Variants in PTPRF observed in about 807,000 individuals in gnomAD.
PTPRF encodes the protein protein tyrosine phosphatase receptor type F.
A neutral mutation model predicts 201.8 loss-of-function variants in PTPRF; 59 were observed. The ratio of observed to expected loss-of-function variants is 0.29; its 90% CI spans 0.24 to 0.36. PTPRF has a LOEUF of 0.36. PTPRF is among the 10% of genes least tolerant of loss of function. The probability of loss-of-function intolerance (pLI) is 1.00; values close to 1 mark genes in which losing one functional copy is unlikely to be tolerated. For synonymous variants in PTPRF, 1,088 were observed against 1,089.7 expected, an observed-to-expected ratio of 1.00 and a Z score of 0.03; for missense variants, 2,132 against 2,690.5, an observed-to-expected ratio of 0.79 and a Z score of 4.59.
intron 11 of PTPRF, among the ~76,000 whole-genome samples, chr1:43,592,896 G>A (rs1028672734): frequency 6.6e-6 from 1 of 151,920 alleles, no homozygotes; most frequent in Non-Finnish European, 1.5e-5. Flanking sequence ...CCTCATCTCC[G>A]CCCCCACTCT....
At position 43,537,370 on chromosome 1, in the gene PTPRF, T is replaced by C. The variant is rs1269180322; in HGVS notation, c.-125-828T>C. On this transcript the variant is annotated intron_variant, in intron 1 of 33. Coordinates refer to ENST00000359947, the MANE Select transcript of PTPRF (RefSeq NM_002840.5). The surrounding 1 kb of genome is among the most constrained non-coding windows in gnomAD (Gnocchi z 4.8). ...AATAAATATTGCTTCTGAAGCTTCT[T>C]TGAAGACTGGCATGTATGTTGGGGT... Among the ~76,000 whole-genome samples, 4 of 152,240 alleles carry C rather than the reference T, an allele frequency of 2.6e-5. No individual in the cohort carries two copies. The East Asian group carries it at 7.7e-4, about 29-fold the overall frequency.
intron 21 of PTPRF, 76 bp from the exon 22 acceptor site, chr1:43,609,307 G>T: frequency 8.1e-7 from 1 of 1,233,828 alleles, no homozygotes; most frequent in South Asian, 1.3e-5. Flanking sequence ...GGGGCTCCTT[G>T]GCAGCCAGCC....
intron 1 of PTPRF, among the ~76,000 whole-genome samples, chr1:43,532,410 G>A (rs888060701): frequency 6.6e-5 from 10 of 152,370 alleles, no homozygotes; most frequent in Non-Finnish European, 7.3e-5. Flanking sequence ...GGGCAGGGCC[G>A]GGAGGCTGGA....
chr1:43,545,130 G>T lies in PTPRF; in HGVS notation c.55G>T (p.Val19Leu). The T allele has an allele frequency of 6.3e-7, 1 of 1,589,820 alleles. No individual in the cohort carries two copies. Among genetic ancestry groups the T allele is most frequent in the Non-Finnish European group, 8.6e-7 (1 of 1,167,670 alleles). Residue 19 changes from valine (V) to leucine (L), a missense_variant, in exon 3 of 34, where the codon GTG (valine) becomes TTG (leucine). Around this residue, in one of 6 missense-constraint regions of PTPRF, gnomAD observed 297 missense variants for 454.0 expected, o/e 0.65. Transcript: ENST00000359947. ...RTMVPLVPAL[V>L]MLGLVAGAHG... is the part of the protein sequence containing the mutation. ...GATGGTGCCCCTTGTGCCTGCACTG[G>T]TGATGCTTGGTTTGGTGGCAGGCGC...
intron 22 of PTPRF, among the ~76,000 whole-genome samples, chr1:43,610,798 G>A (rs549845): frequency 0.55 from 84,016 of 152,138 alleles, 26,128 homozygotes; most frequent in Non-Finnish European, 0.7. Flanking sequence ...CCAGGAGGTA[G>A]AGGTTGCGTG....
At chr1:43,577,770 A>G (rs1647024964) in intron 6 of PTPRF, among the ~76,000 whole-genome samples, 1 of 152,010 alleles carries the variant, frequency 6.6e-6, no homozygotes, top group South Asian at 2.1e-4. Context: ...GTTTTGTCAG[A>G]CTGTGTCCTG....
upstream of PTPRF, among the ~76,000 whole-genome samples, chr1:43,525,594 G>A (rs566198439): frequency 3.9e-5 from 6 of 152,092 alleles, no homozygotes; most frequent in East Asian, 1.2e-3. Flanking sequence ...CTTGAGGTCA[G>A]GAGTTCAAGA....
chr1:43,596,824 TG>T (rs1652380741), intron 11 of PTPRF, among the ~76,000 whole-genome samples: 2 of 152,206 alleles, frequency 1.3e-5, no homozygotes, highest in African/African-American at 4.8e-5. Context: ...ATGTTTTGTG[TG>T]AGACAGCATA....
At chr1:43,536,506 T>C (rs1644018122) in intron 1 of PTPRF, among the ~76,000 whole-genome samples, 1 of 152,186 alleles carries the variant, frequency 6.6e-6, no homozygotes, top group South Asian at 2.1e-4. Flanking sequence ...TGGCTGGGTG[T>C]GGCAGCAGCG....
chr1:43,548,039 A>T (rs139937926), intron 3 of PTPRF, among the ~76,000 whole-genome samples: 1 of 151,360 alleles, frequency 6.6e-6, no homozygotes, highest in South Asian at 2.1e-4. Context: ...GACACAGGCC[A>T]TGGCAGAAGC....
chr1:43,620,595 G>A lies in PTPRF; in HGVS notation c.5364+16G>A. On this transcript the variant is annotated intron_variant, in intron 31 of 33. Coordinates refer to ENST00000359947, the MANE Select transcript of PTPRF (RefSeq NM_002840.5). ...GGATGCCCGGGTGAGTGAGTGCATT[G>A]AGTGTGTCCATAACGCTGCCTGTCC... 2 of 1,612,282 alleles carry A rather than the reference G, an allele frequency of 1.2e-6. No individual in the cohort carries two copies. The highest frequency in any genetic ancestry group is 2.2e-5 in the South Asian group (2 of 90,754).
rs1653015129 is a variant in PTPRF, at chr1:43,598,776, C to T, written c.2176C>T (p.His726Tyr). The change falls in exon 13 of 34, where the codon CAT becomes TAT. Residue 726 changes from histidine to tyrosine, a missense_variant. This residue lies in a region of PTPRF where 125 missense variants were observed against 211.9 expected (regional missense o/e 0.59). Coordinates refer to ENST00000359947, the MANE Select transcript of PTPRF (RefSeq NM_002840.5). ...GGAGCCACTGAACTCCACTGCTGTG[C>T]ATGTCTACTGGAAGCTGCCTGTCCC... ...EVEPLNSTAV[H>Y]VYWKLPVPSK... The T allele has an allele frequency of 3.1e-6, 5 of 1,614,078 alleles. No individual in the cohort carries two copies. The African/African-American group carries it at 4.0e-5, about 13-fold the overall frequency.
rs79623042 is a variant in PTPRF, at chr1:43,555,165, C to T, written c.379+1224C>T. Among the ~76,000 whole-genome samples, 1,042 of 152,110 alleles carry T rather than the reference C, an allele frequency of 6.9e-3. 6 individuals are homozygous for T. The highest frequency in any genetic ancestry group is 0.011 in the Non-Finnish European group (738 of 67,974). ...CCGCACCCGGGCCGATTGTTGCTTT[C>T]TTTTTAAGAATGTGATGTCGATACC... On this transcript the variant is annotated intron_variant, in intron 5 of 33. Coordinates refer to ENST00000359947, the MANE Select transcript of PTPRF (RefSeq NM_002840.5).
At chr1:43,606,762 TG>T in intron 20 of PTPRF, 51 bp from the exon 21 acceptor site, 1 of 1,590,796 alleles carries the variant, frequency 6.3e-7, no homozygotes. Context: ...AGGCAGAGGG[TG>T]GGGGGTTCTC....
chr1:43,606,176 A>G, intron 19 of PTPRF, 64 bp from the exon 20 acceptor site: 1 of 1,529,826 alleles, frequency 6.5e-7, no homozygotes, highest in Non-Finnish European at 8.8e-7. Flanking sequence ...ATCCCAGGCC[A>G]CAGCCTCAGG....
chr1:43,618,203 A>G (rs639929), intron 25 of PTPRF, among the ~76,000 whole-genome samples: 118,811 of 152,068 alleles, frequency 0.78, 47,284 homozygotes, highest in African/African-American at 0.92. Flanking sequence ...CGGGGTATTC[A>G]TGTGTTCCCC....
At chr1:43,604,588 C>G (rs984357707) in intron 16 of PTPRF, among the ~76,000 whole-genome samples, 2 of 152,252 alleles carry the variant, frequency 1.3e-5, no homozygotes, top group African/African-American at 4.8e-5. Flanking sequence ...ATGACCGAAA[C>G]CCACTGACCC....
Position 43,604,164 on chromosome 1 carries a change from G to A in PTPRF, c.3012G>A (p.Gln1004=), listed in dbSNP as rs1259736103. The change falls in exon 16 of 34, where the codon CAG becomes CAA. Residue 1004 remains glutamine, a synonymous_variant. Coordinates refer to ENST00000359947, the MANE Select transcript of PTPRF (RefSeq NM_002840.5). The stretch of plus-strand genomic sequence containing the variant: ...CTGGCCCACTCAGCCCCAGCATCCA[G>A]TCCCGGACCATGCCGGTGGAGCAAG... ...KGSGPLSPSI[Q]SRTMPVEQVF... is the part of the protein sequence containing the mutation. The A allele has an allele frequency of 1.2e-6, 2 of 1,614,038 alleles. No homozygotes were observed. Among genetic ancestry groups the A allele is most frequent in the South Asian group, 2.2e-5 (2 of 91,084 alleles).
chr1:43,584,095 G>T (rs1004696718), intron 7 of PTPRF, among the ~76,000 whole-genome samples: 1 of 152,122 alleles, frequency 6.6e-6, no homozygotes, highest in African/African-American at 2.4e-5. Context: ...TTGGTTTTCC[G>T]CCCCACCCTT....
Sources: allele counts gnomAD v4.1 joint callset (sites outside exome capture counted in the v4.1 genomes callset), GRCh38; gene constraint gnomAD v4.1.1; regional missense constraint gnomAD v4.1.1; non-coding constraint Gnocchi (gnomAD v3.1); transcripts MANE v1.5; gene names NCBI Gene and HGNC (gene_info 2026-07-23, HGNC 2026-07-21).